Variants in WDR41 observed in about 807,000 individuals in gnomAD.
WDR41 encodes the protein WD repeat-containing protein 41.
In WDR41, 63 loss-of-function variants were observed where a neutral mutation model predicts 69.3. The ratio of observed to expected loss-of-function variants is 0.91; its 90% CI spans 0.74 to 1.12. The LOEUF (loss-of-function observed/expected upper bound fraction) is 1.12, where lower values mean the gene tolerates loss of function less well. Among genes scored for constraint, WDR41 ranks in the 50% most tolerant of loss-of-function variants. The pLI is 0.00. For missense variants in WDR41, 543 were observed against 534.5 expected (o/e 1.02, Z -0.16); for synonymous variants, 185 against 192.1 (o/e 0.96, Z 0.31).
chr5:77,571,023 C>T (rs913647415), intron 1 of WDR41, among the ~76,000 whole-genome samples: 1 of 151,830 alleles, frequency 6.6e-6, no homozygotes, highest in East Asian at 1.9e-4. Flanking sequence ...ACATTTAATG[C>T]AATTAAGAAT....
intron 1 of WDR41, among the ~76,000 whole-genome samples, chr5:77,504,456 C>A (rs552887402): frequency 1.3e-5 from 2 of 152,310 alleles, no homozygotes; most frequent in African/African-American, 2.4e-5. Flanking sequence ...CAAAGAAGAG[C>A]TGGTACCATT....
chr5:77,464,274 C>CTTTTTTTTTTTTTTTTTTTTT (rs71606297), intron 3 of WDR41, among the ~76,000 whole-genome samples: 1 of 94,204 alleles, frequency 1.1e-5, no homozygotes, highest in Non-Finnish European at 2.0e-5. Flanking sequence ...TAGGAAAAAA[C>CTTTTTTTTTTTTTTTTTTTTT]TTTTTTTTTT....
intron 8 of WDR41, 39 bp downstream of exon 8, chr5:77,449,721 C>A (rs1226270843): frequency 6.9e-7 from 1 of 1,442,684 alleles, no homozygotes; most frequent in South Asian, 1.2e-5. Context: ...TGTTAACAAG[C>A]ACAAAACTGT....
intron 1 of WDR41, among the ~76,000 whole-genome samples, chr5:77,596,370 T>A (rs1251200131): frequency 6.6e-6 from 1 of 152,078 alleles, no homozygotes; most frequent in Non-Finnish European, 1.5e-5. Context: ...ATGGTCTTGA[T>A]CTCTTGACCT....
chr5:77,614,739 G>A (rs2112347395), intron 1 of WDR41, among the ~76,000 whole-genome samples: 1 of 150,964 alleles, frequency 6.6e-6, no homozygotes, highest in African/African-American at 2.4e-5. Context: ...CATGGCACAT[G>A]TATACATATG....
At position 77,517,959 on chromosome 5, in the gene WDR41, T is replaced by C. The variant is rs895665107; in HGVS notation, c.43-28387A>G. ...TTGACAACACAGAGGGCCTTTCTTT[T>C]TTCTTAACAATATTCAGCAAACATT... On this transcript the variant is annotated intron_variant, in intron 1 of 5. Coordinates refer to the WDR41 transcript ENST00000509971. Among the ~76,000 whole-genome samples, 13 of 152,264 alleles carry C rather than the reference T, an allele frequency of 8.5e-5. No individual in the cohort carries two copies. The East Asian group carries it at 2.5e-3, about 29-fold the overall frequency.
intron 1 of WDR41, among the ~76,000 whole-genome samples, chr5:77,506,764 A>G (rs997019143): frequency 6.6e-6 from 1 of 152,164 alleles, no homozygotes; most frequent in Non-Finnish European, 1.5e-5. Flanking sequence ...GGAAACTGTC[A>G]TTCTCAGCAA....
At chr5:77,443,385 A>G (rs1799251891) in intron 8 of WDR41, among the ~76,000 whole-genome samples, 1 of 152,208 alleles carries the variant, frequency 6.6e-6, no homozygotes, top group South Asian at 2.1e-4. Flanking sequence ...TAATGACCAC[A>G]TGAACAATCT....
chr5:77,456,691 TTA>T (rs1266331427), intron 5 of WDR41, among the ~76,000 whole-genome samples: 1 of 152,130 alleles, frequency 6.6e-6, no homozygotes, highest in Non-Finnish European at 1.5e-5. Context: ...TTCACCATTT[TTA>T]AAAATTTTTA....
intron 1 of WDR41, among the ~76,000 whole-genome samples, chr5:77,514,420 T>A (rs1371899965): frequency 2.0e-5 from 3 of 152,200 alleles, no homozygotes; most frequent in African/African-American, 2.4e-5. Context: ...TAGGTCTGGT[T>A]CCCTTGTTAT....
At chr5:77,612,089 C>A (rs1744565718) in intron 1 of WDR41, among the ~76,000 whole-genome samples, 1 of 152,048 alleles carries the variant, frequency 6.6e-6, no homozygotes, top group Non-Finnish European at 1.5e-5. Flanking sequence ...AAGACTAAAC[C>A]AGGAAGAAGT....
At position 77,451,280 on chromosome 5, in the gene WDR41, T is replaced by G. The variant is rs1390855871; in HGVS notation, c.586+11A>C. 1.2e-6 allele frequency: 2 copies of G among 1,613,006 alleles called. No individual in the cohort carries two copies. The highest frequency in any genetic ancestry group is 1.7e-6 in the Non-Finnish European group (2 of 1,179,518). ...TTCAAAATACACAAAAAGAAAAAAA[T>G]TCATACTCACTCAGTTCTTTGCCAA... On this transcript the variant is annotated intron_variant, in intron 7 of 12. Transcript: ENST00000296679.
intron 4 of WDR41, among the ~76,000 whole-genome samples, chr5:77,460,342 T>A (rs1162933103): frequency 3.3e-5 from 5 of 152,202 alleles, no homozygotes; most frequent in African/African-American, 1.2e-4. Flanking sequence ...TATAACACAC[T>A]AAAACTGCTA....
chr5:77,613,118 C>G (rs1351086548), intron 1 of WDR41, among the ~76,000 whole-genome samples: 1 of 151,244 alleles, frequency 6.6e-6, no homozygotes, highest in African/African-American at 2.4e-5. Context: ...AGGAGAACTA[C>G]AAACCACTGC....
At chr5:77,575,330 C>T (rs1743811242) in intron 1 of WDR41, among the ~76,000 whole-genome samples, 1 of 152,076 alleles carries the variant, frequency 6.6e-6, no homozygotes, top group Admixed American at 6.5e-5. Flanking sequence ...GAGGCCTATA[C>T]AGTATATTTG....
intron 1 of WDR41, among the ~76,000 whole-genome samples, chr5:77,538,247 T>C (rs945665721): frequency 2.6e-5 from 4 of 152,218 alleles, no homozygotes; most frequent in Admixed American, 2.0e-4. Flanking sequence ...GACCTCCAAT[T>C]CTACCCATGT....
At chr5:77,470,107 T>C (rs367703871) in intron 2 of WDR41, among the ~76,000 whole-genome samples, 4 of 151,492 alleles carry the variant, frequency 2.6e-5, no homozygotes, top group Admixed American at 6.6e-5. Flanking sequence ...AGCCAGAAGA[T>C]AATGGGGGCC....
chr5:77,433,373 A>C, intron 12 of WDR41, 86 bp from the exon 13 acceptor site: 1 of 1,265,548 alleles, frequency 7.9e-7, no homozygotes, highest in East Asian at 2.5e-5. Context: ...CGTGTGAGAT[A>C]TGTGCCTTAA....
chr5:77,478,267 T>C (rs1279157966), intron 2 of WDR41, among the ~76,000 whole-genome samples: 1 of 152,150 alleles, frequency 6.6e-6, no homozygotes, highest in African/African-American at 2.4e-5. Flanking sequence ...CTGGTACAAT[T>C]CCTTCTGAAA....
Sources: gnomAD v4.1 joint callset for allele counts (sites outside exome capture counted in the v4.1 genomes callset) on GRCh38, gnomAD v4.1.1 for gene constraint, MANE v1.5 for transcripts, NCBI Gene and HGNC (gene_info 2026-07-23, HGNC 2026-07-21) for gene names.